The following ROBO1 variants were observed in gnomAD, a reference collection of about 807,000 sequenced individuals.
The protein encoded by ROBO1 is roundabout guidance receptor 1, also known as roundabout homolog 1.
In ROBO1, 149 loss-of-function variants were observed where a neutral mutation model predicts 195.9. The ratio of observed to expected loss-of-function variants is 0.76; its 90% CI spans 0.67 to 0.87. The LOEUF is 0.87. Ranked by LOEUF, ROBO1 falls within the 40% of genes least tolerant of loss-of-function variation. The probability of loss-of-function intolerance (pLI) is 0.00; values close to 1 mark genes in which losing one functional copy is unlikely to be tolerated. For synonymous variants in ROBO1, 816 were observed against 733.2 expected (o/e 1.11, Z -1.82); for missense variants, 1,933 against 2,068.3 (o/e 0.93, Z 1.27).
chr3:79,592,989 A>G (rs1944053601), intron 1 of ROBO1, among the ~76,000 whole-genome samples: 1 of 152,056 alleles, frequency 6.6e-6, no homozygotes, highest in African/African-American at 2.4e-5. Flanking sequence ...ATAAACATAG[A>G]GTATACAGCC....
At chr3:79,036,756 G>A (rs901581574) in intron 3 of ROBO1, among the ~76,000 whole-genome samples, 2 of 152,136 alleles carry the variant, frequency 1.3e-5, no homozygotes, top group Non-Finnish European at 2.9e-5. Flanking sequence ...GAAGTCAGCT[G>A]TTAAGAATTA....
intron 2 of ROBO1, among the ~76,000 whole-genome samples, chr3:79,503,790 T>G (rs1451115827): frequency 2.0e-5 from 3 of 152,218 alleles, no homozygotes; most frequent in African/African-American, 7.2e-5. Context: ...AGACAATGGC[T>G]ATTGTCTGGA....
chr3:78,892,295 C>A lies in ROBO1; in HGVS notation c.499+46306G>T, dbSNP rs569503949. Reference sequence around the variant, plus strand: ...TAGGTTGCATCCTCCTTGTGAGAATCTAATTTTCCCACCCCATCTGTGGAA... The same window carrying A: ...TAGGTTGCATCCTCCTTGTGAGAATATAATTTTCCCACCCCATCTGTGGAA... On this transcript the variant is annotated intron_variant, in intron 4 of 30. Transcript: ENST00000464233. 1.8e-4 allele frequency among the ~76,000 whole-genome samples: 27 copies of A among 152,296 alleles called. No homozygotes were observed. In the East Asian group the frequency reaches 3.7e-3, roughly 21 times the overall value.
At position 78,598,715 on chromosome 3, in the gene ROBO1, T is replaced by C. The variant is rs1023169921; in HGVS notation, c.*198A>G. On this transcript the variant is annotated 3_prime_UTR_variant, in exon 31 of 31. Transcript: ENST00000464233. ...AACAGCGAGGGGAATAGGAAGGCTC[T>C]TTGTAGGGTTAGGGATCAAACAACA... 5.0e-6 allele frequency: 2 copies of C among 400,826 alleles called. No homozygotes were observed. The highest frequency in any genetic ancestry group is 8.9e-6 in the Non-Finnish European group (2 of 224,428). 24.8% of individuals were successfully genotyped at this position (400,826 alleles called of 1,614,324 possible). A position where few individuals can be genotyped will look rare whatever the true frequency, so the allele number is the denominator to read the frequency against.
chr3:79,381,892 C>G (rs2036587289), intron 2 of ROBO1, among the ~76,000 whole-genome samples: 1 of 151,988 alleles, frequency 6.6e-6, no homozygotes, highest in South Asian at 2.1e-4. Flanking sequence ...TGAAATGGAA[C>G]TTAATATTTT....
chr3:79,038,002 T>TA (rs1435402652), intron 3 of ROBO1, among the ~76,000 whole-genome samples: 1 of 152,150 alleles, frequency 6.6e-6, no homozygotes, highest in Non-Finnish European at 1.5e-5. Flanking sequence ...AAGATTTTTT[T>TA]AAAAATTAGA....
chr3:78,805,321 AAT>A (rs1157991556), intron 4 of ROBO1, among the ~76,000 whole-genome samples: 1 of 152,130 alleles, frequency 6.6e-6, no homozygotes, highest in African/African-American at 2.4e-5. Context: ...TGACTAATTT[AAT>A]TTCCCTCCTT....
At position 79,697,302 on chromosome 3, in the gene ROBO1, T is replaced by C. The variant is rs551741673; in HGVS notation, c.-51+70450A>G. Among the ~76,000 whole-genome samples, 5 of 151,566 alleles carry C rather than the reference T, an allele frequency of 3.3e-5. No individual in the cohort carries two copies. In the East Asian group the frequency reaches 9.7e-4, roughly 29 times the overall value. On this transcript the variant is annotated intron_variant, in intron 1 of 30. Coordinates refer to ENST00000464233, the MANE Select transcript of ROBO1 (RefSeq NM_002941.4). ...TGAGCAAGTCAATGGTTAGATGTAATAATCTATTCTGCAGCATAACAATGT... is the reference window on the plus strand; with the variant it reads ...TGAGCAAGTCAATGGTTAGATGTAACAATCTATTCTGCAGCATAACAATGT...
chr3:79,749,597 G>C (rs982082834), intron 1 of ROBO1, among the ~76,000 whole-genome samples: 2 of 152,142 alleles, frequency 1.3e-5, no homozygotes, highest in Non-Finnish European at 2.9e-5. Context: ...CCCCTACTCT[G>C]TTCAGCCTAG....
chr3:79,500,655 T>C (rs1275061599), intron 2 of ROBO1, among the ~76,000 whole-genome samples: 1 of 152,176 alleles, frequency 6.6e-6, no homozygotes, highest in Non-Finnish European at 1.5e-5. Context: ...GCCTTTTTCA[T>C]TAATCAATTT....
chr3:78,787,087 T>C (rs1303020122), intron 4 of ROBO1, among the ~76,000 whole-genome samples: 2 of 152,176 alleles, frequency 1.3e-5, no homozygotes, highest in Non-Finnish European at 2.9e-5. Flanking sequence ...CCCCAAGTTT[T>C]TGATTCAGTT....
intron 4 of ROBO1, among the ~76,000 whole-genome samples, chr3:78,848,703 A>T (rs954858419): frequency 8.5e-5 from 13 of 152,226 alleles, no homozygotes; most frequent in African/African-American, 2.6e-4. Context: ...GATCATTATC[A>T]GGTTTGTAAT....
chr3:79,513,027 T>G (rs767019245), intron 2 of ROBO1: 5 of 152,138 alleles, frequency 3.3e-5, no homozygotes, highest in African/African-American at 4.8e-5. Flanking sequence ...GCAAAGAACC[T>G]GAGGTTTGAA....
At chr3:78,899,373 C>T (rs75502535) in intron 4 of ROBO1, among the ~76,000 whole-genome samples, 16,122 of 152,088 alleles carry the variant, frequency 0.11, 1,216 homozygotes, top group Non-Finnish European at 0.15. Flanking sequence ...GAAGTGACTG[C>T]TATTAAATGG....
At chr3:78,795,033 G>T in intron 4 of ROBO1, among the ~76,000 whole-genome samples, 1 of 152,054 alleles carries the variant, frequency 6.6e-6, no homozygotes, top group Non-Finnish European at 1.5e-5. Context: ...TACTAAAAAT[G>T]ATTTAACTGA....
intron 1 of ROBO1, among the ~76,000 whole-genome samples, chr3:79,626,372 G>A (rs1945180210): frequency 6.6e-6 from 1 of 152,162 alleles, no homozygotes; most frequent in African/African-American, 2.4e-5. Flanking sequence ...GGGAGGTGGA[G>A]CTTGCAGTGA....
At chr3:79,712,921 T>C (rs1357088810) in intron 1 of ROBO1, among the ~76,000 whole-genome samples, 1 of 152,074 alleles carries the variant, frequency 6.6e-6, no homozygotes, top group East Asian at 1.9e-4. Context: ...TATAGCATGG[T>C]TTACTGAGTA....
chr3:79,003,515 T>C (rs1200453192), intron 3 of ROBO1, among the ~76,000 whole-genome samples: 2 of 152,134 alleles, frequency 1.3e-5, no homozygotes, highest in African/African-American at 4.8e-5. Flanking sequence ...TCAAGTACTT[T>C]ACATATGTCA....
At chr3:78,701,054 A>G (rs764894139) in intron 8 of ROBO1, among the ~76,000 whole-genome samples, 1 of 152,254 alleles carries the variant, frequency 6.6e-6, no homozygotes, top group Non-Finnish European at 1.5e-5. Flanking sequence ...GTGAGCCACC[A>G]TGCCCGGCCT....
Sources: gnomAD v4.1 joint callset for allele counts (sites outside exome capture counted in the v4.1 genomes callset) on GRCh38, gnomAD v4.1.1 for gene constraint, MANE v1.5 for transcripts, NCBI Gene and HGNC (gene_info 2026-07-23, HGNC 2026-07-21) for gene names.